Variants in PRKG1 observed in about 807,000 individuals in gnomAD.
PRKG1 encodes the protein cGMP-dependent protein kinase 1.
A neutral mutation model predicts 88.1 loss-of-function variants in PRKG1; 35 were observed. The ratio of observed to expected loss-of-function variants is 0.40; its 90% CI spans 0.30 to 0.53. The LOEUF (loss-of-function observed/expected upper bound fraction) is 0.53, where lower values mean the gene tolerates loss of function less well. Ranked by LOEUF, PRKG1 falls within the 20% of genes least tolerant of loss-of-function variation. The pLI, the probability that PRKG1 is intolerant of heterozygous loss-of-function variation, is 0.59. For synonymous variants in PRKG1, 303 were observed against 292.5 expected (o/e 1.04, Z -0.37); for missense variants, 540 against 839.8 (o/e 0.64, Z 4.41).
At chr10:51,603,834 C>A (rs1216848316) in intron 3 of PRKG1, among the ~76,000 whole-genome samples, 8 of 152,082 alleles carry the variant, frequency 5.3e-5, no homozygotes, top group Non-Finnish European at 1.2e-4. Context: ...CAGAGAAGGC[C>A]TCTTGGAGGA....
intron 3 of PRKG1, among the ~76,000 whole-genome samples, chr10:51,682,852 A>G (rs1395616087): frequency 6.6e-6 from 1 of 152,182 alleles, no homozygotes; most frequent in East Asian, 1.9e-4. Context: ...AGATTCAACC[A>G]ATGTCTTCAG....
intron 5 of PRKG1, among the ~76,000 whole-genome samples, chr10:52,022,830 A>T (rs1199369152): frequency 6.6e-6 from 1 of 152,168 alleles, no homozygotes; most frequent in African/African-American, 2.4e-5. Context: ...AAATCATGTT[A>T]TTTAGGAATA....
At chr10:52,195,920 T>C (rs1459231922) in intron 9 of PRKG1, among the ~76,000 whole-genome samples, 1 of 152,180 alleles carries the variant, frequency 6.6e-6, no homozygotes, top group Non-Finnish European at 1.5e-5. Context: ...CCTATGATTT[T>C]CATGGTTCAA....
intron 1 of PRKG1, among the ~76,000 whole-genome samples, chr10:51,057,781 A>C (rs373048628): frequency 4.6e-5 from 7 of 152,232 alleles, no homozygotes; most frequent in African/African-American, 1.7e-4. Flanking sequence ...CATTTGTGCT[A>C]TTGCCAGTTT....
chr10:52,270,894 A>T (rs1402651329), intron 10 of PRKG1, among the ~76,000 whole-genome samples: 2 of 151,024 alleles, frequency 1.3e-5, no homozygotes, highest in African/African-American at 2.4e-5. Flanking sequence ...TAAAAAAAAG[A>T]TAAAAAAAAT....
At chr10:51,241,889 T>C (rs1839162358) in intron 2 of PRKG1, among the ~76,000 whole-genome samples, 2 of 152,052 alleles carry the variant, frequency 1.3e-5, no homozygotes, top group Non-Finnish European at 2.9e-5. Flanking sequence ...CTGCTTTATT[T>C]GCATAAGCAA....
intron 2 of PRKG1, among the ~76,000 whole-genome samples, chr10:51,239,125 T>C (rs1273469633): frequency 6.6e-6 from 1 of 152,158 alleles, no homozygotes; most frequent in African/African-American, 2.4e-5. Flanking sequence ...AGCTGCTCTG[T>C]AGAAGTAAAT....
Position 51,362,197 on chromosome 10 carries a change from T to G in PRKG1, c.479-105526T>G, listed in dbSNP as rs568519547. Among the ~76,000 whole-genome samples the G allele has an allele frequency of 4.6e-5, 7 of 151,974 alleles. No homozygotes were observed. The South Asian group carries it at 1.4e-3, about 31-fold the overall frequency. On this transcript the variant is annotated intron_variant, in intron 2 of 17. Coordinates refer to ENST00000373980, the MANE Select transcript of PRKG1 (RefSeq NM_006258.4). ...TTGCTCAAGCTGGAGTACAGTGGCA[T>G]GATCATAGCTCTTCCCAGCCTTGAT...
chr10:51,376,622 C>A (rs1842821755), intron 2 of PRKG1, among the ~76,000 whole-genome samples: 2 of 152,052 alleles, frequency 1.3e-5, no homozygotes, highest in Admixed American at 1.3e-4. Flanking sequence ...CCATTTATTT[C>A]AAGTCACATT....
At chr10:51,817,523 T>C (rs1227212407) in intron 4 of PRKG1, among the ~76,000 whole-genome samples, 1 of 152,192 alleles carries the variant, frequency 6.6e-6, no homozygotes, top group African/African-American at 2.4e-5. Context: ...GCATAGGACA[T>C]GAACTCATCC....
chr10:51,720,236 A>G (rs1841980126), intron 3 of PRKG1, among the ~76,000 whole-genome samples: 1 of 152,158 alleles, frequency 6.6e-6, no homozygotes, highest in Non-Finnish European at 1.5e-5. Context: ...TCCATAATTC[A>G]TTCCCTGATT....
At chr10:52,154,336 C>T (rs1300464758) in intron 8 of PRKG1, among the ~76,000 whole-genome samples, 1 of 152,090 alleles carries the variant, frequency 6.6e-6, no homozygotes, top group Admixed American at 6.6e-5. Flanking sequence ...TGTTCAAAAA[C>T]ACAAGTCCAC....
At chr10:51,134,244 A>C (rs1195785969) in intron 1 of PRKG1, among the ~76,000 whole-genome samples, 1 of 152,204 alleles carries the variant, frequency 6.6e-6, no homozygotes, top group Non-Finnish European at 1.5e-5. Flanking sequence ...GCAAATCATT[A>C]TAATTACTGG....
chr10:51,671,499 C>T (rs980417931), intron 3 of PRKG1, among the ~76,000 whole-genome samples: 69 of 152,118 alleles, frequency 4.5e-4, no homozygotes, highest in African/African-American at 1.6e-3. Flanking sequence ...CTTGTAGATG[C>T]ATCACTTCGG....
intron 1 of PRKG1, among the ~76,000 whole-genome samples, chr10:51,090,670 G>A (rs749944519): frequency 8.5e-5 from 13 of 152,116 alleles, no homozygotes; most frequent in Admixed American, 6.5e-4. Flanking sequence ...GTTATTCTGT[G>A]CAGATACATG....
intron 4 of PRKG1, among the ~76,000 whole-genome samples, chr10:51,823,554 T>C (rs1839802966): frequency 6.6e-6 from 1 of 152,044 alleles, no homozygotes; most frequent in Admixed American, 6.6e-5. Flanking sequence ...ACCTCTCTTC[T>C]CAGCATCATC....
At chr10:51,589,870 G>A (rs10998387) in intron 3 of PRKG1, among the ~76,000 whole-genome samples, 10,919 of 152,098 alleles carry the variant, frequency 0.072, 1,287 homozygotes, top group African/African-American at 0.25. Flanking sequence ...TATTTTAATT[G>A]GAGAAAGAAA....
intron 8 of PRKG1, among the ~76,000 whole-genome samples, chr10:52,153,959 G>A (rs371166241): frequency 6.6e-6 from 1 of 152,006 alleles, no homozygotes; most frequent in East Asian, 1.9e-4. Context: ...TGGTCAGGCT[G>A]GTCTCGAACT....
intron 5 of PRKG1, among the ~76,000 whole-genome samples, chr10:52,035,281 A>G (rs1441092557): frequency 6.6e-6 from 1 of 152,166 alleles, no homozygotes; most frequent in East Asian, 1.9e-4. Context: ...CTAATTTGCC[A>G]GTCCTGGGTG....
Sources: gnomAD v4.1 joint callset for allele counts (sites outside exome capture counted in the v4.1 genomes callset) on GRCh38, gnomAD v4.1.1 for gene constraint, MANE v1.5 for transcripts, NCBI Gene and HGNC (gene_info 2026-07-23, HGNC 2026-07-21) for gene names.